Variants in TMEM178B observed in about 807,000 individuals in gnomAD.
The protein encoded by TMEM178B is transmembrane protein 178B.
In TMEM178B, 5 loss-of-function variants were observed where a neutral mutation model predicts 31.0. The ratio of observed to expected loss-of-function variants is 0.16; its 90% CI spans 0.08 to 0.34. TMEM178B has a LOEUF of 0.34. TMEM178B is among the 10% of genes least tolerant of loss of function. The pLI is 1.00. For synonymous variants in TMEM178B, 164 were observed against 164.0 expected (o/e 1.00, Z 0.00); for missense variants, 275 against 400.3 (o/e 0.69, Z 2.67).
chr7:141,288,638 C>T (rs1040849486), intron 2 of TMEM178B, among the ~76,000 whole-genome samples: 1 of 152,166 alleles, frequency 6.6e-6, no homozygotes, highest in African/African-American at 2.4e-5. Context: ...TTTGCTCCCA[C>T]CCACTCTTTC....
At chr7:141,262,747 A>G (rs1798034273) in intron 2 of TMEM178B, among the ~76,000 whole-genome samples, 1 of 152,084 alleles carries the variant, frequency 6.6e-6, no homozygotes, top group South Asian at 2.1e-4. Context: ...AAAGCCAAAT[A>G]TTAGGCGTAA....
At position 141,212,614 on chromosome 7, in the gene TMEM178B, A is replaced by G; in HGVS notation, c.406A>G (p.Ile136Val). The change falls in exon 2 of 4, where the codon ATC (isoleucine) becomes GTC (valine). Residue 136 changes from isoleucine (I) to valine (V), a missense_variant. Ile to Val is a conservative substitution (Grantham distance 29). Transcript: ENST00000565468. The part of the protein sequence containing the change: ...RKGEIERCTY[I>V]KYHYSSATIP... ...AGGAGAAATTGAGCGATGTACGTAC[A>G]TCAAATACCACTACTCCTCAGCAAC... 1.3e-6 allele frequency: 2 copies of G among 1,536,142 alleles called. No homozygotes were observed. The highest frequency in any genetic ancestry group is 1.7e-6 in the Non-Finnish European group (2 of 1,146,904).
At chr7:141,249,384 CT>C in intron 2 of TMEM178B, among the ~76,000 whole-genome samples, 1 of 152,194 alleles carries the variant, frequency 6.6e-6, no homozygotes, top group Non-Finnish European at 1.5e-5. Flanking sequence ...CATTAAACCT[CT>C]TTTTCTTTAT....
chr7:141,140,694 T>C (rs533398886), intron 1 of TMEM178B, among the ~76,000 whole-genome samples: 1 of 152,344 alleles, frequency 6.6e-6, no homozygotes, highest in South Asian at 2.1e-4. Context: ...TCTCAGAATT[T>C]GTTTTTGGTG....
At chr7:141,135,872 C>T (rs1185312808) in intron 1 of TMEM178B, among the ~76,000 whole-genome samples, 1 of 151,726 alleles carries the variant, frequency 6.6e-6, no homozygotes, top group African/African-American at 2.4e-5. Context: ...AAATAAATAC[C>T]TAAGTGAAAT....
rs150672882 is a variant in TMEM178B at position 141,181,208 on chromosome 7, T to C, written c.383-31383T>C. On this transcript the variant is annotated intron_variant, in intron 1 of 3. Transcript: ENST00000565468. ...CAAATGCAAGTGTGTGTCATTACAA[T>C]GATGTGTTCATAAATACATCTTCAA... Among the ~76,000 whole-genome samples the C allele has an allele frequency of 5.9e-5, 9 of 152,384 alleles. 1 individual carries two copies. The highest frequency in any genetic ancestry group is 1.9e-4 in the African/African-American group (8 of 41,588).
At chr7:141,444,677 A>G (rs1157068932) in intron 3 of TMEM178B, among the ~76,000 whole-genome samples, 1 of 152,152 alleles carries the variant, frequency 6.6e-6, no homozygotes, top group East Asian at 1.9e-4. Context: ...GTCACCAGGT[A>G]AAAGTAGTCA....
intron 2 of TMEM178B, among the ~76,000 whole-genome samples, chr7:141,226,946 T>G (rs192438356): frequency 6.6e-6 from 1 of 152,288 alleles, no homozygotes; most frequent in East Asian, 1.9e-4. Context: ...CCTGGATTTT[T>G]AGTGTTTACC....
chr7:141,277,570 G>A (rs1171873842), intron 2 of TMEM178B, among the ~76,000 whole-genome samples: 2 of 152,112 alleles, frequency 1.3e-5, no homozygotes, highest in Non-Finnish European at 2.9e-5. Flanking sequence ...ATAAGTAGAA[G>A]GAGTACATGC....
intron 2 of TMEM178B, among the ~76,000 whole-genome samples, chr7:141,357,324 CT>C (rs1799837825): frequency 6.6e-6 from 1 of 152,158 alleles, no homozygotes; most frequent in South Asian, 2.1e-4. Context: ...TAAAATTACC[CT>C]TTTTTGATCC....
At chr7:141,378,745 T>G (rs1800262389) in intron 2 of TMEM178B, among the ~76,000 whole-genome samples, 1 of 152,204 alleles carries the variant, frequency 6.6e-6, no homozygotes, top group African/African-American at 2.4e-5. Context: ...GAGGGGCTAT[T>G]TTTTATTTCC....
intron 2 of TMEM178B, among the ~76,000 whole-genome samples, chr7:141,308,749 A>G (rs985807991): frequency 6.6e-6 from 1 of 152,180 alleles, no homozygotes; most frequent in Non-Finnish European, 1.5e-5. Context: ...TAAAGATGAC[A>G]AAACTGAGTT....
intron 2 of TMEM178B, among the ~76,000 whole-genome samples, chr7:141,431,608 A>C (rs1448435057): frequency 6.6e-6 from 1 of 152,218 alleles, no homozygotes; most frequent in Non-Finnish European, 1.5e-5. Context: ...ATTCGTGAGG[A>C]GATTTTTCTC....
At chr7:141,303,178 G>C (rs916875741) in intron 2 of TMEM178B, among the ~76,000 whole-genome samples, 1 of 152,114 alleles carries the variant, frequency 6.6e-6, no homozygotes, top group African/African-American at 2.4e-5. Context: ...GGGGATGTTA[G>C]CCTGTCTTTG....
chr7:141,283,120 C>A (rs1798392452), intron 2 of TMEM178B, among the ~76,000 whole-genome samples: 1 of 152,168 alleles, frequency 6.6e-6, no homozygotes, highest in South Asian at 2.1e-4. Context: ...ATGTCACCAT[C>A]CCAACTGGGC....
At chr7:141,397,822 C>T (rs989200145) in intron 2 of TMEM178B, among the ~76,000 whole-genome samples, 6 of 152,184 alleles carry the variant, frequency 3.9e-5, no homozygotes, top group African/African-American at 9.7e-5. Context: ...ATCTCTTCGC[C>T]CACCCGAGGC....
chr7:141,103,439 T>C (rs946041054), intron 1 of TMEM178B, among the ~76,000 whole-genome samples: 1 of 152,210 alleles, frequency 6.6e-6, no homozygotes, highest in African/African-American at 2.4e-5. Context: ...TTCCCTGTCT[T>C]CTTTCACTTT....
At chr7:141,264,260 C>G (rs1798059792) in intron 2 of TMEM178B, among the ~76,000 whole-genome samples, 1 of 152,230 alleles carries the variant, frequency 6.6e-6, no homozygotes, top group Non-Finnish European at 1.5e-5. Context: ...AGACACTGCT[C>G]TCAGGACTTT....
chr7:141,404,005 G>T (rs937007784), intron 2 of TMEM178B, among the ~76,000 whole-genome samples: 1 of 152,110 alleles, frequency 6.6e-6, no homozygotes, highest in African/African-American at 2.4e-5. Context: ...TATACCAGAG[G>T]CCTTAAAACA....
Sources: gnomAD v4.1 joint callset for allele counts (sites outside exome capture counted in the v4.1 genomes callset) on GRCh38, gnomAD v4.1.1 for gene constraint, MANE v1.5 for transcripts, NCBI Gene and HGNC (gene_info 2026-07-23, HGNC 2026-07-21) for gene names.